Variants in EDC4 observed in about 807,000 individuals in gnomAD.
EDC4 encodes the protein enhancer of mRNA decapping 4.
In EDC4, 64 loss-of-function variants were observed where a neutral mutation model predicts 155.8. The ratio of observed to expected loss-of-function variants is 0.41; its 90% CI spans 0.34 to 0.51. The LOEUF is 0.51. Ranked by LOEUF, EDC4 falls within the 20% of genes least tolerant of loss-of-function variation. EDC4 has a pLI of 0.19. For synonymous variants in EDC4, 684 were observed against 716.8 expected, an observed-to-expected ratio of 0.95 and a Z score of 0.73; for missense variants, 1,303 against 1,812.5, an observed-to-expected ratio of 0.72 and a Z score of 5.10.
At position 67,882,591 on chromosome 16, in the gene EDC4, G is replaced by A; in HGVS notation, c.3439G>A (p.Glu1147Lys). The stretch of plus-strand genomic sequence containing the variant: ...TGATAGCTTCCGGCTGGGGACACAG[G>A]AATGTGAGTGGGGTCATATGGCCCA... ...INDSFRLGTQ[E>K]YLQQLESHMK... The change falls in exon 25 of 29, where the codon GAA becomes AAA. Residue 1147 changes from glutamate to lysine, a missense_variant. Around this residue, in one of 5 missense-constraint regions of EDC4, gnomAD observed 527 missense variants for 757.0 expected, o/e 0.70. Transcript: ENST00000358933. The surrounding 1 kb of genome is among the most constrained non-coding windows in gnomAD (Gnocchi z 7.2). 1 of 1,614,240 alleles carries A rather than the reference G, an allele frequency of 6.2e-7. No homozygotes were observed.
At position 67,884,227 on chromosome 16, in the gene EDC4, TG is replaced by T; in HGVS notation, c.*81del. The T allele has an allele frequency of 1.4e-6, 2 of 1,380,136 alleles. No individual in the cohort carries two copies. Among genetic ancestry groups the T allele is most frequent in the East Asian group, 5.0e-5 (2 of 39,878 alleles). 85.5% of individuals were successfully genotyped at this position (1,380,136 alleles called of 1,614,324 possible). A position where few individuals can be genotyped will look rare whatever the true frequency, so the allele number is the denominator to read the frequency against. Reference sequence around the variant, plus strand: ...GCCTAGGCTGGGGCAGGGTCACGGCTGGCCTTTACCTGCTCAGGCCCCCATC... The same window carrying T: ...GCCTAGGCTGGGGCAGGGTCACGGCTGCCTTTACCTGCTCAGGCCCCCATC... On this transcript the variant is annotated 3_prime_UTR_variant, in exon 29 of 29. Coordinates refer to ENST00000358933, the MANE Select transcript of EDC4 (RefSeq NM_014329.5). The surrounding 1 kb of genome is among the most constrained non-coding windows in gnomAD (Gnocchi z 4.1).
Position 67,879,276 on chromosome 16 carries a change from G to A in EDC4, c.1508G>A (p.Gly503Asp). The A allele has an allele frequency of 6.2e-7, 1 of 1,614,186 alleles. No homozygotes were observed. Among genetic ancestry groups the A allele is most frequent in the Non-Finnish European group, 8.5e-7 (1 of 1,180,024 alleles). The change falls in exon 13 of 29, where the codon GGT (glycine) becomes GAT (aspartate). Residue 503 changes from glycine to aspartate, a missense_variant. Coordinates refer to ENST00000358933, the MANE Select transcript of EDC4 (RefSeq NM_014329.5). This position sits in a 1 kb window ranked among gnomAD's most constrained non-coding sequence, Gnocchi z 6.0. ...HGAGAMESAAGVLIKLFCVHT... is the reference protein window; with the variant it reads ...HGAGAMESAADVLIKLFCVHT... ...GCCGGTGCCATGGAGTCTGCGGCCG[G>A]TGTGCTCATCAAGCTCTTTTGTGTG...
Position 67,881,246 on chromosome 16 carries a change from C to A in EDC4, c.2637-19C>A. 6.2e-7 allele frequency: 1 copy of A among 1,613,996 alleles called. No individual in the cohort carries two copies. Among genetic ancestry groups the A allele is most frequent in the Non-Finnish European group, 8.5e-7 (1 of 1,179,976 alleles). On this transcript the variant is annotated intron_variant, in intron 19 of 28. Transcript: ENST00000358933. The surrounding 1 kb of genome is among the most constrained non-coding windows in gnomAD (Gnocchi z 5.4). Reference sequence around the variant, plus strand: ...GCAGCAAGTGGGCAGGGGCTTACTCCTCCTTCCCCTTCCCACAGTGACCAT... The same window carrying A: ...GCAGCAAGTGGGCAGGGGCTTACTCATCCTTCCCCTTCCCACAGTGACCAT...
chr16:67,883,333 T>A lies in EDC4; in HGVS notation c.3849+156T>A. The A allele has an allele frequency of 7.4e-7, 1 of 1,348,658 alleles. No individual in the cohort carries two copies. The highest frequency in any genetic ancestry group is 9.9e-7 in the Non-Finnish European group (1 of 1,005,952). The allele number at this position is 1,348,658 out of a possible 1,614,324, so 83.5% of individuals were successfully genotyped here. A position where few individuals can be genotyped will look rare whatever the true frequency, so the allele number is the denominator to read the frequency against. On this transcript the variant is annotated intron_variant, in intron 27 of 28. Transcript: ENST00000358933. This position sits in a 1 kb window ranked among gnomAD's most constrained non-coding sequence, Gnocchi z 5.3. ...CCAGGCCATTGTCCCTGCTGCTTCCTCTTCCTGGACCCCTTTCTTCCCACC... is the reference window on the plus strand; with the variant it reads ...CCAGGCCATTGTCCCTGCTGCTTCCACTTCCTGGACCCCTTTCTTCCCACC...
In EDC4 at chr16:67,877,057, G is replaced by A; in HGVS notation, c.451+85G>A. ...CAACATCAGGCCACTCAGGCCTTAG[G>A]GGTACAATGGAAGGTTTGTCCATGC... On this transcript the variant is annotated intron_variant, in intron 4 of 28. Transcript: ENST00000358933. The surrounding 1 kb of genome is among the most constrained non-coding windows in gnomAD (Gnocchi z 4.9). 6.4e-7 allele frequency: 1 copy of A among 1,571,634 alleles called. No homozygotes were observed. Among genetic ancestry groups the A allele is most frequent in the Non-Finnish European group, 8.6e-7 (1 of 1,157,752 alleles).
Position 67,883,123 on chromosome 16 carries a change from A to G in EDC4, c.3795A>G (p.Gln1265=). 6.2e-7 allele frequency: 1 copy of G among 1,608,630 alleles called. No homozygotes were observed. Among genetic ancestry groups the G allele is most frequent in the Non-Finnish European group, 8.5e-7 (1 of 1,178,248 alleles). ...PSAHLDCQAQ[Q]AHILQLLQQG... Reference sequence around the variant, plus strand: ...CCCACCTTGACTGCCAGGCCCAGCAAGCCCATATCCTGCAGCTGCTGCAGC... The same window carrying G: ...CCCACCTTGACTGCCAGGCCCAGCAGGCCCATATCCTGCAGCTGCTGCAGC... Residue 1265 remains glutamine (Q), a synonymous_variant, in exon 27 of 29, where the codon CAA becomes CAG. Transcript: ENST00000358933. This position sits in a 1 kb window ranked among gnomAD's most constrained non-coding sequence, Gnocchi z 5.3.
chr16:67,879,863 C>CCAG lies in EDC4; in HGVS notation c.1849_1851dup (p.Ser617dup), dbSNP rs751388975. 9.9e-6 allele frequency: 16 copies of CCAG among 1,612,800 alleles called. No homozygotes were observed. Among genetic ancestry groups the CCAG allele is most frequent in the East Asian group, 2.2e-5 (1 of 44,866 alleles). On this transcript the variant is annotated inframe_insertion, in exon 16 of 29. Coordinates refer to ENST00000358933, the MANE Select transcript of EDC4 (RefSeq NM_014329.5). This position sits in a 1 kb window ranked among gnomAD's most constrained non-coding sequence, Gnocchi z 6.0. ...GCATCTCCCCAGATCACTGCCTCTC[C>CCAG]CAGCAGCAGCAGCAGCGGTAGCAGC...
In EDC4 at chr16:67,876,570, A is replaced by T; in HGVS notation, c.322A>T (p.Ile108Phe). Residue 108 changes from isoleucine (I) to phenylalanine (F), a missense_variant, in exon 3 of 29, where the codon ATT becomes TTT. Physicochemically the swap from Ile to Phe is conservative, Grantham distance 21. Around this residue, in one of 5 missense-constraint regions of EDC4, gnomAD observed 51 missense variants for 121.1 expected, o/e 0.42. Coordinates refer to ENST00000358933, the MANE Select transcript of EDC4 (RefSeq NM_014329.5). The surrounding 1 kb of genome is among the most constrained non-coding windows in gnomAD (Gnocchi z 5.8). ...GATTGTGGCTAGCAGTGACTCTAGC[A>T]TTTCAAGCAAGGCCCGGGGAAGCAA... is the stretch of plus-strand genomic sequence containing the variant. Reference protein sequence around the residue: ...VEIVASSDSSISSKARGSNKV... With the variant: ...VEIVASSDSSFSSKARGSNKV... The T allele has an allele frequency of 1.2e-6, 2 of 1,614,120 alleles. No individual in the cohort carries two copies. The highest frequency in any genetic ancestry group is 4.5e-5 in the East Asian group (2 of 44,884).
chr16:67,880,274 G>A lies in EDC4; in HGVS notation c.2097+58G>A. 1 of 1,538,550 alleles carries A rather than the reference G, an allele frequency of 6.5e-7. No individual in the cohort carries two copies. The highest frequency in any genetic ancestry group is 1.4e-5 in the African/African-American group (1 of 73,690). ...GAGCAGGTGGGCAGCAGCAGGGAAG[G>A]TGGGTGGTGGGCTCCTCCCAGCCCC... On this transcript the variant is annotated intron_variant, in intron 17 of 28. Transcript: ENST00000358933. The surrounding 1 kb of genome is among the most constrained non-coding windows in gnomAD (Gnocchi z 5.2).
Position 67,883,431 on chromosome 16 carries a change from T to C in EDC4, c.3850-137T>C. 7.1e-7 allele frequency: 1 copy of C among 1,402,892 alleles called. No individual in the cohort carries two copies. Among genetic ancestry groups the C allele is most frequent in the Admixed American group, 1.9e-5 (1 of 53,518 alleles). 86.9% of individuals were successfully genotyped at this position (1,402,892 alleles called of 1,614,324 possible). On this transcript the variant is annotated intron_variant, in intron 27 of 28. Coordinates refer to ENST00000358933, the MANE Select transcript of EDC4 (RefSeq NM_014329.5). This position sits in a 1 kb window ranked among gnomAD's most constrained non-coding sequence, Gnocchi z 5.3. The stretch of plus-strand genomic sequence containing the variant: ...ATCCCCTAGGGTAACTACACAGCCC[T>C]ACAGGCTCTCTCTGAGTCCCTCTGG...
At position 67,881,781 on chromosome 16, in the gene EDC4, A is replaced by T. The variant is rs1244639607; in HGVS notation, c.2940A>T (p.Glu980Asp). The T allele has an allele frequency of 6.2e-7, 1 of 1,614,024 alleles. No homozygotes were observed. The highest frequency in any genetic ancestry group is 8.5e-7 in the Non-Finnish European group (1 of 1,180,012). ...ELLQRLCTQL[E>D]GLQSTVTGHV... ...TGCAGCGTCTGTGTACCCAACTCGA[A>T]GGCCTGCAGAGCACAGTCACAGGCC... Residue 980 changes from glutamate (E) to aspartate (D), a missense_variant, in exon 22 of 29, where the codon GAA (glutamate) becomes GAT (aspartate). Glu to Asp is a conservative substitution (Grantham distance 45). Transcript: ENST00000358933. This position sits in a 1 kb window ranked among gnomAD's most constrained non-coding sequence, Gnocchi z 5.4.
rs912686849 is a variant in EDC4, at chr16:67,876,183, G to A, written c.239+82G>A. 2.2e-5 allele frequency: 32 copies of A among 1,436,370 alleles called. 1 individual carries two copies. Among genetic ancestry groups the A allele is most frequent in the Middle Eastern group, 1.8e-4 (1 of 5,446 alleles). The allele number at this position is 1,436,370 out of a possible 1,614,324, so 89.0% of individuals were successfully genotyped here. A position where few individuals can be genotyped will look rare whatever the true frequency, so the allele number is the denominator to read the frequency against. On this transcript the variant is annotated intron_variant, in intron 2 of 28. Transcript: ENST00000358933. The surrounding 1 kb of genome is among the most constrained non-coding windows in gnomAD (Gnocchi z 5.8). Reference sequence around the variant, plus strand: ...TGAAGGCATGAGATGGGGAGTGAGCGGGGCCAGCAGCCTCTGCTGCTTCCT... The same window carrying A: ...TGAAGGCATGAGATGGGGAGTGAGCAGGGCCAGCAGCCTCTGCTGCTTCCT...
chr16:67,873,373 G>A, intron 1 of EDC4, 30 bp downstream of exon 1: 1 of 1,417,722 alleles, frequency 7.1e-7, no homozygotes, highest in Non-Finnish European at 9.2e-7. Context: ...GTGGGCCCCA[G>A]GCGAGCTGAC....
In EDC4 at chr16:67,880,269, G is replaced by A. The variant is rs748163967; in HGVS notation, c.2097+53G>A. ...GTGGGGAGCAGGTGGGCAGCAGCAGGGAAGGTGGGTGGTGGGCTCCTCCCA... is the reference window on the plus strand; with the variant it reads ...GTGGGGAGCAGGTGGGCAGCAGCAGAGAAGGTGGGTGGTGGGCTCCTCCCA... On this transcript the variant is annotated intron_variant, in intron 17 of 28. Coordinates refer to ENST00000358933, the MANE Select transcript of EDC4 (RefSeq NM_014329.5). The surrounding 1 kb of genome is among the most constrained non-coding windows in gnomAD (Gnocchi z 5.2). 7.1e-6 allele frequency: 11 copies of A among 1,543,682 alleles called. No individual in the cohort carries two copies. Among genetic ancestry groups the A allele is most frequent in the African/African-American group, 6.8e-5 (5 of 73,686 alleles).
rs200348040 is a variant in EDC4 at position 67,882,749 on chromosome 16, A to G, written c.3513A>G (p.Leu1171=). 4.4e-5 allele frequency: 71 copies of G among 1,614,266 alleles called. 1 individual carries two copies. In the African/African-American group the frequency reaches 5.7e-4, roughly 13 times the overall value. The change falls in exon 26 of 29, where the codon CTA becomes CTG. Residue 1171 remains leucine, a synonymous_variant. Coordinates refer to ENST00000358933, the MANE Select transcript of EDC4 (RefSeq NM_014329.5). The surrounding 1 kb of genome is among the most constrained non-coding windows in gnomAD (Gnocchi z 7.2). ...AREQEAREPV[L]AQLRGLVSTL... is the part of the protein sequence containing the mutation. ...AACAGGAGGCCAGGGAGCCTGTGCT[A>G]GCCCAGCTGCGGGGCCTGGTCAGCA...
Position 67,878,197 on chromosome 16 carries a change from G to A in EDC4, c.926G>A (p.Gly309Glu), listed in dbSNP as rs775223202. The A allele has an allele frequency of 5.0e-6, 8 of 1,614,160 alleles. No homozygotes were observed. ...AGTGAAGGAGCCCTCTCTCCTGATG[G>A]GACTGTGCTGGCTACTGCGAGCCAC... Reference protein sequence around the residue: ...CLSEGALSPDGTVLATASHDG... With the variant: ...CLSEGALSPDETVLATASHDG... Residue 309 changes from glycine to glutamate, a missense_variant, in exon 8 of 29, where the codon GGG (glycine) becomes GAG (glutamate). This residue lies in a region of EDC4 where 235 missense variants were observed against 367.7 expected (regional missense o/e 0.64). Transcript: ENST00000358933. The surrounding 1 kb of genome is among the most constrained non-coding windows in gnomAD (Gnocchi z 5.2).
At chr16:67,873,558 A>G (rs1005114896) in intron 1 of EDC4, 4 of 419,578 alleles carry the variant, frequency 9.5e-6, no homozygotes, top group Non-Finnish European at 1.3e-5. Flanking sequence ...CTTGTCCTTC[A>G]GCGTCTCGGT....
At position 67,876,423 on chromosome 16, in the gene EDC4, TC is replaced by T; in HGVS notation, c.240-62del. 4 of 1,590,328 alleles carry T rather than the reference TC, an allele frequency of 2.5e-6. No homozygotes were observed. Among genetic ancestry groups the T allele is most frequent in the Non-Finnish European group, 3.4e-6 (4 of 1,166,650 alleles). ...CCAGTCTGGCTATGTCCTCGCTTCC[TC>T]CCAACCCTGCCCGCTGAGCCTTTGG... is the stretch of plus-strand genomic sequence containing the variant. On this transcript the variant is annotated intron_variant, in intron 2 of 28. Coordinates refer to ENST00000358933, the MANE Select transcript of EDC4 (RefSeq NM_014329.5). This position sits in a 1 kb window ranked among gnomAD's most constrained non-coding sequence, Gnocchi z 5.8.
chr16:67,879,971 G>A lies in EDC4; in HGVS notation c.1943G>A (p.Arg648Lys). The change falls in exon 16 of 29, where the codon AGG (arginine) becomes AAG (lysine). Residue 648 changes from arginine (R) to lysine (K), a missense_variant and splice_region_variant. By Grantham distance (26) the Arg-to-Lys change is conservative. Coordinates refer to ENST00000358933, the MANE Select transcript of EDC4 (RefSeq NM_014329.5). The surrounding 1 kb of genome is among the most constrained non-coding windows in gnomAD (Gnocchi z 6.0). Reference sequence around the variant, plus strand: ...TCAGCTGTGGACCCCTCCTTGACCAGGTGAGGCAAGGGTCAGAGATGGAGG... The same window carrying A: ...TCAGCTGTGGACCCCTCCTTGACCAAGTGAGGCAAGGGTCAGAGATGGAGG... ...STSAVDPSLTRPPEELTLSPK... is the reference protein window; with the variant it reads ...STSAVDPSLTKPPEELTLSPK... 1.9e-6 allele frequency: 3 copies of A among 1,605,738 alleles called. No individual in the cohort carries two copies. The highest frequency in any genetic ancestry group is 2.6e-6 in the Non-Finnish European group (3 of 1,174,360).
Sources: gnomAD v4.1 joint callset for allele counts on GRCh38, gnomAD v4.1.1 for gene constraint, gnomAD v4.1.1 regional missense constraint, Gnocchi (gnomAD v3.1) non-coding constraint, MANE v1.5 for transcripts, NCBI Gene and HGNC (gene_info 2026-07-23, HGNC 2026-07-21) for gene names.